WDFY3: variants seen among roughly 807,000 people sequenced by gnomAD.
WDFY3 encodes WD repeat and FYVE domain-containing protein 3.
Under a neutral mutation model 409.6 loss-of-function variants are expected in WDFY3, and 66 were observed. The ratio of observed to expected loss-of-function variants is 0.16; its 90% confidence interval spans 0.13 to 0.20. WDFY3 has a LOEUF of 0.20. Among genes scored for constraint, WDFY3 ranks in the 10% least tolerant of loss-of-function variants. The probability of loss-of-function intolerance (pLI) is 1.00; values close to 1 mark genes in which losing one functional copy is unlikely to be tolerated. For missense variants in WDFY3, 3,031 were observed against 4,298.1 expected (o/e 0.71, Z 8.24); for synonymous variants, 1,521 against 1,537.1 (o/e 0.99, Z 0.25).
chr4:84,704,237 C>T, intron 55 of WDFY3, 101 bp downstream of exon 55: 6 of 886,308 alleles, frequency 6.8e-6, no homozygotes, highest in Non-Finnish European at 9.7e-6. Flanking sequence ...TAAAATTTCG[C>T]AGAGCTTCTT....
chr4:84,829,973 T>C (rs1755461395), intron 8 of WDFY3, among the ~76,000 whole-genome samples: 1 of 152,040 alleles, frequency 6.6e-6, no homozygotes, highest in Non-Finnish European at 1.5e-5. Context: ...CTCTGAGGAT[T>C]TGTAGCATTT....
At chr4:84,929,681 G>A (rs1171179712) in intron 2 of WDFY3, among the ~76,000 whole-genome samples, 2 of 152,092 alleles carry the variant, frequency 1.3e-5, no homozygotes, top group African/African-American at 2.4e-5. Context: ...AGGCCAAGGC[G>A]GGTGGATCAC....
At chr4:84,924,617 C>T (rs1769732226) in intron 2 of WDFY3, among the ~76,000 whole-genome samples, 1 of 152,168 alleles carries the variant, frequency 6.6e-6, no homozygotes. Context: ...ATGCTAGAAA[C>T]CAGAAAAACC....
chr4:84,746,965 AAATC>A (rs1376241938), intron 36 of WDFY3, among the ~76,000 whole-genome samples: 1 of 152,078 alleles, frequency 6.6e-6, no homozygotes, highest in African/African-American at 2.4e-5. Context: ...CACTCTACTA[AAATC>A]TCCTTATGAA....
At chr4:84,714,457 AT>A (rs756943011) in intron 50 of WDFY3, among the ~76,000 whole-genome samples, 64 of 152,314 alleles carry the variant, frequency 4.2e-4, no homozygotes, top group Non-Finnish European at 6.3e-4. Context: ...TTTATTAAAG[AT>A]AAAAATATGC....
At chr4:84,883,925 C>T (rs955981077) in intron 3 of WDFY3, among the ~76,000 whole-genome samples, 9 of 152,016 alleles carry the variant, frequency 5.9e-5, no homozygotes, top group Admixed American at 1.3e-4. Flanking sequence ...GCAGACGTAA[C>T]GTTCTATTTA....
intron 1 of WDFY3, among the ~76,000 whole-genome samples, chr4:84,945,699 T>A (rs986366298): frequency 3.3e-5 from 5 of 152,064 alleles, no homozygotes; most frequent in African/African-American, 4.8e-5. Flanking sequence ...ATGTCTCCCA[T>A]CCTCCCATCT....
At chr4:84,780,417 T>A in intron 25 of WDFY3, 119 bp from the exon 26 acceptor site, 2 of 1,078,758 alleles carry the variant, frequency 1.9e-6, no homozygotes, top group Non-Finnish European at 2.5e-6. Flanking sequence ...ATCTTCTGTC[T>A]ATAATGCAAA....
chr4:84,949,772 C>T (rs184698165), intron 1 of WDFY3, among the ~76,000 whole-genome samples: 28 of 152,080 alleles, frequency 1.8e-4, no homozygotes, highest in East Asian at 1.2e-3. Flanking sequence ...ATGGGATCAC[C>T]GCCAAAAAAA....
rs1299823975 is a variant in WDFY3 at position 84,735,198 on chromosome 4, G to A, written c.6916-78C>T. 27 of 1,260,988 alleles carry A rather than the reference G, an allele frequency of 2.1e-5. 1 individual carries two copies. The highest frequency in any genetic ancestry group is 3.0e-5 in the Non-Finnish European group (27 of 902,366). 78.1% of individuals were successfully genotyped at this position (1,260,988 alleles called of 1,614,324 possible). A position where few individuals can be genotyped will look rare whatever the true frequency, so the allele number is the denominator to read the frequency against. On this transcript the variant is annotated intron_variant, in intron 42 of 67. Transcript: ENST00000295888. ...ATAGTTAATTACCCTTGAAATTAAT[G>A]CTAAATAATTGGTTAAAATTCTGCC...
At chr4:84,948,704 G>A (rs943196549) in intron 1 of WDFY3, among the ~76,000 whole-genome samples, 8 of 152,060 alleles carry the variant, frequency 5.3e-5, no homozygotes, top group African/African-American at 1.7e-4. Context: ...TCCTTTTCCT[G>A]TTTATAGCTC....
At position 84,729,101 on chromosome 4, in the gene WDFY3, C is replaced by T. The variant is rs78464232; in HGVS notation, c.7222-2190G>A. ...TTGACTAGCTTCCTGCCCAAGTAACCCCAAATTAATAGGCAGACAAACTCT... is the reference window on the plus strand; with the variant it reads ...TTGACTAGCTTCCTGCCCAAGTAACTCCAAATTAATAGGCAGACAAACTCT... On this transcript the variant is annotated intron_variant, in intron 44 of 67. Coordinates refer to ENST00000295888, the MANE Select transcript of WDFY3 (RefSeq NM_014991.6). Among the ~76,000 whole-genome samples, 27 of 152,068 alleles carry T rather than the reference C, an allele frequency of 1.8e-4. No homozygotes were observed. In the East Asian group the frequency reaches 5.0e-3, roughly 28 times the overall value.
At chr4:84,699,757 A>G (rs1730777027) in intron 56 of WDFY3, among the ~76,000 whole-genome samples, 1 of 151,940 alleles carries the variant, frequency 6.6e-6, no homozygotes, top group Non-Finnish European at 1.5e-5. Context: ...ATCCTAGTAA[A>G]TATGAAGTGG....
At chr4:84,854,063 T>C (rs1759412331) in intron 4 of WDFY3, among the ~76,000 whole-genome samples, 1 of 152,006 alleles carries the variant, frequency 6.6e-6, no homozygotes, top group Non-Finnish European at 1.5e-5. Flanking sequence ...GAAAGTAAAA[T>C]AGGGTAGCTG....
intron 1 of WDFY3, among the ~76,000 whole-genome samples, chr4:84,964,387 C>T (rs750637749): frequency 6.6e-6 from 1 of 152,144 alleles, no homozygotes; most frequent in African/African-American, 2.4e-5. Context: ...AAGGATCACT[C>T]GGGCCCAGAA....
Position 84,737,314 on chromosome 4 carries a change from A to G in WDFY3, c.6627T>C (p.His2209=), listed in dbSNP as rs1331642010. The G allele has an allele frequency of 6.2e-7, 1 of 1,613,624 alleles. No homozygotes were observed. The highest frequency in any genetic ancestry group is 8.5e-7 in the Non-Finnish European group (1 of 1,179,748). ...GTTCCTCTAAGACTTGTTTCTTACT[A>G]TGTATCAGTTCAGTCCAAACTCTGT... ...AVNRVWTELI[H]SKKQVLEELF... Residue 2209 remains histidine, a synonymous_variant, in exon 41 of 68, where the codon CAT becomes CAC. Coordinates refer to ENST00000295888, the MANE Select transcript of WDFY3 (RefSeq NM_014991.6).
chr4:84,901,344 G>A (rs906138256), intron 2 of WDFY3, among the ~76,000 whole-genome samples: 2 of 152,226 alleles, frequency 1.3e-5, no homozygotes, highest in Middle Eastern at 3.4e-3. Flanking sequence ...ATCCATTCAT[G>A]GATTAAGGTC....
At chr4:84,909,701 A>G (rs1767514433) in intron 2 of WDFY3, among the ~76,000 whole-genome samples, 1 of 152,082 alleles carries the variant, frequency 6.6e-6, no homozygotes, top group African/African-American at 2.4e-5. Context: ...ACTAAAATAA[A>G]AGTAGCATTT....
intron 36 of WDFY3, among the ~76,000 whole-genome samples, chr4:84,748,139 T>G (rs371683044): frequency 2.5e-4 from 38 of 152,236 alleles, no homozygotes; most frequent in Middle Eastern, 3.4e-3. Flanking sequence ...TCATGAGAAG[T>G]CTGGTGGTGA....
Sources: allele counts gnomAD v4.1 joint callset (sites outside exome capture counted in the v4.1 genomes callset), GRCh38; gene constraint gnomAD v4.1.1; transcripts MANE v1.5; gene names NCBI Gene and HGNC (gene_info 2026-07-23, HGNC 2026-07-21).